Variants in PHOSPHO1 observed in about 807,000 individuals in gnomAD.
The protein encoded by PHOSPHO1 is phosphoethanolamine/phosphocholine phosphatase 1, also known as phosphoethanolamine/phosphocholine phosphatase.
PHOSPHO1 carries 6 observed loss-of-function variants against 17.7 expected under a neutral mutation model. The ratio of observed to expected loss-of-function variants is 0.34; its 90% CI spans 0.19 to 0.67. PHOSPHO1 has a LOEUF of 0.67. PHOSPHO1 is among the 30% of genes least tolerant of loss of function. PHOSPHO1 has a pLI of 0.69. For synonymous variants in PHOSPHO1, 159 were observed against 174.6 expected, an observed-to-expected ratio of 0.91 and a Z score of 0.71; for missense variants, 330 against 392.1, an observed-to-expected ratio of 0.84 and a Z score of 1.34.
rs1454606766 is a variant in PHOSPHO1 at position 49,224,068 on chromosome 17, A to G, written c.*178T>C. On this transcript the variant is annotated 3_prime_UTR_variant, in exon 3 of 3. Coordinates refer to ENST00000310544, the MANE Select transcript of PHOSPHO1 (RefSeq NM_178500.4). ...GAGGCAGCCGAGGTGGGTTAACTGAATAGATAGGGACGGCTCTGAGCCCCC... is the reference window on the plus strand; with the variant it reads ...GAGGCAGCCGAGGTGGGTTAACTGAGTAGATAGGGACGGCTCTGAGCCCCC... The G allele has an allele frequency of 8.4e-6, 8 of 951,562 alleles. No individual in the cohort carries two copies. The highest frequency in any genetic ancestry group is 4.5e-6 in the Non-Finnish European group (3 of 666,068). The allele number at this position is 951,562 out of a possible 1,614,324, so 58.9% of individuals were successfully genotyped here. A position where few individuals can be genotyped will look rare whatever the true frequency, so the allele number is the denominator to read the frequency against.
intron 1 of PHOSPHO1, among the ~76,000 whole-genome samples, chr17:49,229,810 G>C (rs1455456083): frequency 6.6e-6 from 1 of 152,208 alleles, no homozygotes; most frequent in African/African-American, 2.4e-5. Flanking sequence ...CCGAGCAGCA[G>C]ATAGGAAAAA....
chr17:49,225,246 A>C (rs2043341334), intron 2 of PHOSPHO1: 1 of 1,411,982 alleles, frequency 7.1e-7, no homozygotes, highest in African/African-American at 1.4e-5. Context: ...AGTGGGGTTT[A>C]TGCCCAGAGG....
Position 49,224,104 on chromosome 17 carries a change from C to A in PHOSPHO1, c.*142G>T. 1 of 1,278,022 alleles carries A rather than the reference C, an allele frequency of 7.8e-7. No individual in the cohort carries two copies. Among genetic ancestry groups the A allele is most frequent in the Non-Finnish European group, 1.0e-6 (1 of 958,898 alleles). 79.2% of individuals were successfully genotyped at this position (1,278,022 alleles called of 1,614,324 possible). A position where few individuals can be genotyped will look rare whatever the true frequency, so the allele number is the denominator to read the frequency against. On this transcript the variant is annotated 3_prime_UTR_variant, in exon 3 of 3. Coordinates refer to ENST00000310544, the MANE Select transcript of PHOSPHO1 (RefSeq NM_178500.4). ...CGGCTCTGAGCCCCCTTCCCCAAGCCCCCAAATACGAGATTCCAGAAATTC... is the reference window on the plus strand; with the variant it reads ...CGGCTCTGAGCCCCCTTCCCCAAGCACCCAAATACGAGATTCCAGAAATTC...
chr17:49,224,616 A>G lies in PHOSPHO1; in HGVS notation c.434T>C (p.Ile145Thr), dbSNP rs1334609398. ...ATCCGGCCCCGACGGGTTGCTGAGGATGCGGCGGAACAGGCTGTGGTGGCC... is the reference window on the plus strand; with the variant it reads ...ATCCGGCCCCGACGGGTTGCTGAGGGTGCGGCGGAACAGGCTGTGGTGGCC... Reference protein sequence around the residue: ...AAGHHSLFRRILSNPSGPDAR... With the variant: ...AAGHHSLFRRTLSNPSGPDAR... Residue 145 changes from isoleucine to threonine, a missense_variant, in exon 3 of 3, where the codon ATC becomes ACC. Transcript: ENST00000310544. 2.5e-6 allele frequency: 4 copies of G among 1,580,804 alleles called. No homozygotes were observed. The highest frequency in any genetic ancestry group is 3.4e-6 in the Non-Finnish European group (4 of 1,169,168).
At position 49,224,012 on chromosome 17, in the gene PHOSPHO1, C is replaced by G. The variant is rs1310363936; in HGVS notation, c.*234G>C. 5 of 536,298 alleles carry G rather than the reference C, an allele frequency of 9.3e-6. No homozygotes were observed. The highest frequency in any genetic ancestry group is 1.5e-5 in the Non-Finnish European group (5 of 327,888). 33.2% of individuals were successfully genotyped at this position (536,298 alleles called of 1,614,324 possible). A position where few individuals can be genotyped will look rare whatever the true frequency, so the allele number is the denominator to read the frequency against. On this transcript the variant is annotated 3_prime_UTR_variant, in exon 3 of 3. Transcript: ENST00000310544. ...GCGCCACCCCGCGATGGGTCAGACT[C>G]CAGAACTCAACCGTGCACAGTGGAG...
chr17:49,224,646 G>A lies in PHOSPHO1; in HGVS notation c.404C>T (p.Ala135Val), dbSNP rs1444472245. 1 of 1,583,852 alleles carries A rather than the reference G, an allele frequency of 6.3e-7. No individual in the cohort carries two copies. Among genetic ancestry groups the A allele is most frequent in the Admixed American group, 1.8e-5 (1 of 56,966 alleles). The change falls in exon 3 of 3, where the codon GCC becomes GTC. Residue 135 changes from alanine (A) to valine (V), a missense_variant. Ala to Val is a moderately conservative substitution (Grantham distance 64). Transcript: ENST00000310544. ...NTFGVESSLR[A>V]AGHHSLFRRI... ...GCGGAACAGGCTGTGGTGGCCGGCG[G>A]CGCGCAGCGAGCTCTCCACGCCAAA...
At position 49,224,415 on chromosome 17, in the gene PHOSPHO1, C is replaced by A. The variant is rs756538872; in HGVS notation, c.635G>T (p.Gly212Val). ...GDGANDFCPM[G>V]LLAGGDVAFP... ...GGCCACGTCGCCGCCCGCCAGCAGC[C>A]CCATGGGGCAGAAGTCGTTGGCGCC... The change falls in exon 3 of 3, where the codon GGG becomes GTG. Residue 212 changes from glycine (G) to valine (V), a missense_variant. Coordinates refer to ENST00000310544, the MANE Select transcript of PHOSPHO1 (RefSeq NM_178500.4). 1.3e-6 allele frequency: 2 copies of A among 1,553,398 alleles called. No individual in the cohort carries two copies. The highest frequency in any genetic ancestry group is 2.7e-5 in the African/African-American group (2 of 73,524).
At chr17:49,226,142 G>C (rs1331120234) in intron 2 of PHOSPHO1, among the ~76,000 whole-genome samples, 1 of 152,126 alleles carries the variant, frequency 6.6e-6, no homozygotes, top group East Asian at 1.9e-4. Flanking sequence ...GAGAGGCGCA[G>C]AGGGGCAGTG....
chr17:49,228,784 T>C (rs1598254628), intron 1 of PHOSPHO1, among the ~76,000 whole-genome samples: 1 of 89,742 alleles, frequency 1.1e-5, no homozygotes, highest in Non-Finnish European at 2.0e-5. Context: ...CGAGACTCCG[T>C]CTCAAAAAAA....
intron 1 of PHOSPHO1, among the ~76,000 whole-genome samples, chr17:49,229,681 G>A (rs983022097): frequency 6.6e-6 from 1 of 152,134 alleles, no homozygotes; most frequent in Non-Finnish European, 1.5e-5. Flanking sequence ...AGCCCTCTCT[G>A]TCCAAAAACA....
At chr17:49,227,786 ATG>A (rs991643606) in intron 1 of PHOSPHO1, among the ~76,000 whole-genome samples, 11 of 152,114 alleles carry the variant, frequency 7.2e-5, no homozygotes, top group Admixed American at 6.6e-4. Flanking sequence ...CAGACCACAC[ATG>A]TGTTAAATCC....
chr17:49,224,579 C>T lies in PHOSPHO1; in HGVS notation c.471G>A (p.Leu157=). ...GTGTGTGGAACGGCCGCAGAGCCAG[C>T]AGTCCCCGCGCATCCGGCCCCGACG... The part of the protein sequence containing the change: ...SNPSGPDARG[L]LALRPFHTHS... Residue 157 remains leucine (L), a synonymous_variant, in exon 3 of 3, where the codon CTG becomes CTA. Transcript: ENST00000310544. 6.4e-7 allele frequency: 1 copy of T among 1,563,540 alleles called. No homozygotes were observed.
chr17:49,226,721 T>C lies in PHOSPHO1; in HGVS notation c.-30A>G. 6.2e-7 allele frequency: 1 copy of C among 1,613,942 alleles called. No homozygotes were observed. On this transcript the variant is annotated 5_prime_UTR_variant, in exon 2 of 3. Coordinates refer to ENST00000310544, the MANE Select transcript of PHOSPHO1 (RefSeq NM_178500.4). The stretch of plus-strand genomic sequence containing the variant: ...GGTGCATTACCGTGAGCACCACCTG[T>C]AGGGACTCTGTTGGCCTCCAGCCGT...
chr17:49,228,238 CTG>C (rs2043374731), intron 1 of PHOSPHO1, among the ~76,000 whole-genome samples: 1 of 148,696 alleles, frequency 6.7e-6, no homozygotes, highest in Non-Finnish European at 1.5e-5. Flanking sequence ...TCCTTCCTTC[CTG>C]TCTCTCTCCT....
chr17:49,228,172 C>G (rs1459141657), intron 1 of PHOSPHO1, among the ~76,000 whole-genome samples: 14 of 152,154 alleles, frequency 9.2e-5, no homozygotes, highest in Admixed American at 9.2e-4. Context: ...GGGTCACCAA[C>G]AGCTACCCAG....
Position 49,224,509 on chromosome 17 carries a change from G to A in PHOSPHO1, c.541C>T (p.Leu181Phe), listed in dbSNP as rs1175560594. The A allele has an allele frequency of 5.7e-6, 9 of 1,577,146 alleles. No homozygotes were observed. The African/African-American group carries it at 1.2e-4, about 21-fold the overall frequency. The part of the protein sequence containing the change: ...CPANMCKHKV[L>F]SDYLRERAHD... ...GCCCGCTCGCGCAGGTAGTCGCTGAGCACCTTGTGCTTGCACATGTTGGCG... is the reference window on the plus strand; with the variant it reads ...GCCCGCTCGCGCAGGTAGTCGCTGAACACCTTGTGCTTGCACATGTTGGCG... The change falls in exon 3 of 3, where the codon CTC becomes TTC. Residue 181 changes from leucine to phenylalanine, a missense_variant. Physicochemically the swap from Leu to Phe is conservative, Grantham distance 22. Coordinates refer to ENST00000310544, the MANE Select transcript of PHOSPHO1 (RefSeq NM_178500.4).
intron 1 of PHOSPHO1, among the ~76,000 whole-genome samples, chr17:49,228,293 CTTCCTCCTTCCTTCCT>C (rs1171742116): frequency 1.4e-5 from 1 of 69,250 alleles, no homozygotes; most frequent in African/African-American, 5.3e-5. Flanking sequence ...TCCTTCCTTC[CTTCCTCCTTCCTTCCT>C]TCCTTCCTTC....
chr17:49,230,725 C>A lies in PHOSPHO1; in HGVS notation c.-325G>T. ...CATCCCCCCCGGGCAGCCGCCGCGT[C>A]CCCTTTAAATGCCCGGGAGCCGGAG... On this transcript the variant is annotated 5_prime_UTR_variant, in exon 1 of 3. Transcript: ENST00000310544. 1 of 155,254 alleles carries A rather than the reference C, an allele frequency of 6.4e-6. No homozygotes were observed. Among genetic ancestry groups the A allele is most frequent in the Non-Finnish European group, 1.4e-5 (1 of 69,614 alleles). The allele number at this position is 155,254 out of a possible 1,614,324, so 9.6% of individuals were successfully genotyped here.
intron 2 of PHOSPHO1, among the ~76,000 whole-genome samples, chr17:49,226,272 T>G (rs2043356059): frequency 6.6e-6 from 1 of 151,922 alleles, no homozygotes. Flanking sequence ...CCCTCTCTCA[T>G]ATTCCTGGTG....
Sources: gnomAD v4.1 joint callset for allele counts (sites outside exome capture counted in the v4.1 genomes callset) on GRCh38, gnomAD v4.1.1 for gene constraint, MANE v1.5 for transcripts, NCBI Gene and HGNC (gene_info 2026-07-23, HGNC 2026-07-21) for gene names.